TBC1D31: variants seen among roughly 807,000 people sequenced by gnomAD.
TBC1D31 encodes the protein TBC1 domain family member 31.
Under a neutral mutation model 132.9 loss-of-function variants are expected in TBC1D31, and 99 were observed. That is an observed-to-expected ratio of 0.74 (90% confidence interval 0.63 to 0.88). The LOEUF is 0.88. Among genes scored for constraint, TBC1D31 ranks in the 40% least tolerant of loss-of-function variants. The pLI, the probability that TBC1D31 is intolerant of heterozygous loss-of-function variation, is 0.00. For missense variants in TBC1D31, 1,134 were observed against 1,256.6 expected, an observed-to-expected ratio of 0.90 and a Z score of 1.48; for synonymous variants, 385 against 419.4, an observed-to-expected ratio of 0.92 and a Z score of 1.00.
chr8:123,153,899 T>C (rs1344534807), downstream of TBC1D31, among the ~76,000 whole-genome samples: 2 of 152,262 alleles, frequency 1.3e-5, no homozygotes, highest in African/African-American at 4.8e-5. Flanking sequence ...TGGCTAAATG[T>C]TGGGCTTCAG....
chr8:123,087,717 A>T (rs1021143363), intron 4 of TBC1D31, among the ~76,000 whole-genome samples: 3 of 152,376 alleles, frequency 2.0e-5, no homozygotes, highest in Admixed American at 6.5e-5. Flanking sequence ...ATAGTTGCCA[A>T]CGCAAACCTT....
At position 123,130,356 on chromosome 8, in the gene TBC1D31, CT is replaced by C. The variant is rs1200600192; in HGVS notation, c.2406+24del. 15 of 1,593,678 alleles carry C rather than the reference CT, an allele frequency of 9.4e-6. No homozygotes were observed. The African/African-American group carries it at 1.6e-4, about 17-fold the overall frequency. On this transcript the variant is annotated intron_variant, in intron 16 of 21. Transcript: ENST00000287380. The stretch of plus-strand genomic sequence containing the variant: ...AAGGTTTATTATTCTTAACTTAGTT[CT>C]CATACATCATCTCCATTTACTCTCA...
intron 16 of TBC1D31, among the ~76,000 whole-genome samples, chr8:123,131,056 G>T (rs945057764): frequency 6.6e-6 from 1 of 151,838 alleles, no homozygotes; most frequent in Non-Finnish European, 1.5e-5. Flanking sequence ...CATCCCCAGA[G>T]AAACACTATT....
chr8:123,147,853 C>T (rs900851123), intron 20 of TBC1D31, among the ~76,000 whole-genome samples: 2 of 151,782 alleles, frequency 1.3e-5, no homozygotes, highest in African/African-American at 2.4e-5. Flanking sequence ...TTGAGCCCGG[C>T]GCGGTGGCTC....
At chr8:123,159,756 C>A in the TBC1D31 span, among the ~76,000 whole-genome samples, 2 of 150,752 alleles carry the variant, frequency 1.3e-5, no homozygotes, top group Non-Finnish European at 2.9e-5. Flanking sequence ...CGCGTCACTG[C>A]ACTCCAGCCT....
the TBC1D31 span, among the ~76,000 whole-genome samples, chr8:123,161,715 A>G: frequency 1.3e-5 from 2 of 152,144 alleles, no homozygotes; most frequent in African/African-American, 4.8e-5. Context: ...AGTATATGAC[A>G]TTTAAAAATA....
chr8:123,143,076 T>C (rs570443760), intron 19 of TBC1D31, among the ~76,000 whole-genome samples: 2 of 152,302 alleles, frequency 1.3e-5, no homozygotes, highest in Non-Finnish European at 2.9e-5. Flanking sequence ...TGTATGGCTT[T>C]CATTTTCAAG....
intron 17 of TBC1D31, 79 bp downstream of exon 17, chr8:123,134,285 T>C (rs367643197): frequency 4.6e-4 from 508 of 1,108,808 alleles, no homozygotes; most frequent in African/African-American, 3.0e-3. Context: ...TCCCAGCACT[T>C]TGGGAGGATG....
chr8:123,164,447 C>T, the TBC1D31 span, among the ~76,000 whole-genome samples: 25 of 152,082 alleles, frequency 1.6e-4, no homozygotes, highest in East Asian at 1.9e-4. Context: ...CCAGGCCAGG[C>T]GCAGTGGCTC....
rs372960606 is a variant in TBC1D31, at chr8:123,141,052, T to G, written c.2640+151T>G. The G allele has an allele frequency of 3.2e-5, 23 of 708,068 alleles. No individual in the cohort carries two copies. The South Asian group carries it at 4.0e-4, about 12-fold the overall frequency. The allele number at this position is 708,068 out of a possible 1,614,324, so 43.9% of individuals were successfully genotyped here. A position where few individuals can be genotyped will look rare whatever the true frequency, so the allele number is the denominator to read the frequency against. ...ACAGTTCCTAGAATCTCACATTGCT[T>G]CCTTTTATATATGGGATGCTTACTT... On this transcript the variant is annotated intron_variant, in intron 18 of 21. Coordinates refer to ENST00000287380, the MANE Select transcript of TBC1D31 (RefSeq NM_145647.4).
At chr8:123,114,627 T>C (rs746683053) in intron 10 of TBC1D31, among the ~76,000 whole-genome samples, 8 of 152,176 alleles carry the variant, frequency 5.3e-5, no homozygotes, top group Non-Finnish European at 8.8e-5. Flanking sequence ...CGGCCTGTGA[T>C]ACAGTATTTT....
intron 2 of TBC1D31, among the ~76,000 whole-genome samples, chr8:123,081,659 G>A (rs576578718): frequency 6.6e-6 from 1 of 152,322 alleles, no homozygotes; most frequent in South Asian, 2.1e-4. Flanking sequence ...AGAAAAAGAG[G>A]TTTAATGGAC....
downstream of TBC1D31, among the ~76,000 whole-genome samples, chr8:123,154,314 A>T (rs540454855): frequency 6.6e-6 from 1 of 152,258 alleles, no homozygotes; most frequent in South Asian, 2.1e-4. Context: ...CGTAAAGAGA[A>T]CTCTACAGGG....
intron 7 of TBC1D31, among the ~76,000 whole-genome samples, chr8:123,101,286 TTC>T (rs1817392745): frequency 6.6e-6 from 1 of 152,220 alleles, no homozygotes; most frequent in Non-Finnish European, 1.5e-5. Flanking sequence ...CTTTCTGCAA[TTC>T]TCTCTCATGT....
chr8:123,117,182 G>T (rs1819000939), intron 10 of TBC1D31, among the ~76,000 whole-genome samples: 2 of 151,106 alleles, frequency 1.3e-5, no homozygotes, highest in South Asian at 4.2e-4. Context: ...GGGCATGGTG[G>T]CATGCACCTG....
chr8:123,123,905 A>G (rs771388799), intron 11 of TBC1D31, among the ~76,000 whole-genome samples: 10 of 152,144 alleles, frequency 6.6e-5, no homozygotes, highest in Non-Finnish European at 1.3e-4. Flanking sequence ...TTGGTACACT[A>G]TGGGGATTAT....
intron 20 of TBC1D31, among the ~76,000 whole-genome samples, chr8:123,145,816 TTTG>T (rs913751056): frequency 3.3e-5 from 5 of 152,152 alleles, no homozygotes; most frequent in Admixed American, 3.3e-4. Context: ...AAATAATAGC[TTTG>T]TTGATACATA....
chr8:123,078,823 A>C (rs903678737), intron 2 of TBC1D31, among the ~76,000 whole-genome samples: 1 of 150,000 alleles, frequency 6.7e-6, no homozygotes, highest in Middle Eastern at 3.2e-3. Flanking sequence ...TAAGGCATGG[A>C]TATTGAATAG....
At chr8:123,145,109 G>A (rs1822064639) in intron 20 of TBC1D31, among the ~76,000 whole-genome samples, 1 of 152,076 alleles carries the variant, frequency 6.6e-6, no homozygotes, top group South Asian at 2.1e-4. Flanking sequence ...ATTATTTGTA[G>A]AGATGAGATC....
Sources: allele counts gnomAD v4.1 joint callset (sites outside exome capture counted in the v4.1 genomes callset), GRCh38; gene constraint gnomAD v4.1.1; transcripts MANE v1.5; gene names NCBI Gene and HGNC (gene_info 2026-07-23, HGNC 2026-07-21).